The following RGS5 variants were observed in gnomAD, a reference collection of about 807,000 sequenced individuals.
RGS5 encodes regulator of G protein signaling 5, also known as regulator of G-protein signalling 5.
Under a neutral mutation model 18.9 loss-of-function variants are expected in RGS5, and 20 were observed. That is an observed-to-expected ratio of 1.06 (90% CI 0.74 to 1.54). The LOEUF (loss-of-function observed/expected upper bound fraction) is 1.54. RGS5 is among the 40% of genes most tolerant of loss of function. The pLI, the probability that RGS5 is intolerant of heterozygous loss-of-function variation, is 0.00. For missense variants in RGS5, 201 were observed against 211.8 expected, an observed-to-expected ratio of 0.95 and a Z score of 0.32; for synonymous variants, 57 against 76.2, an observed-to-expected ratio of 0.75 and a Z score of 1.31.
At chr1:163,226,493 C>T (rs993698345) in intron 2 of RGS5, among the ~76,000 whole-genome samples, 16 of 152,102 alleles carry the variant, frequency 1.1e-4, no homozygotes, top group African/African-American at 3.9e-4. Context: ...ATGCTAGAGT[C>T]TCTGGTCTCC....
intron 2 of RGS5, among the ~76,000 whole-genome samples, chr1:163,271,059 G>C (rs1463466351): frequency 6.6e-6 from 1 of 152,022 alleles, no homozygotes; most frequent in Non-Finnish European, 1.5e-5. Flanking sequence ...CCAGTTTTAG[G>C]ACATTTGTTA....
intron 2 of RGS5, among the ~76,000 whole-genome samples, chr1:163,164,549 T>C (rs1657961826): frequency 6.6e-6 from 1 of 152,198 alleles, no homozygotes; most frequent in Non-Finnish European, 1.5e-5. Context: ...CCGAAGGGTA[T>C]AGGTTGTCAT....
At chr1:163,150,689 A>T (rs1211345609) in intron 4 of RGS5, among the ~76,000 whole-genome samples, 1 of 152,010 alleles carries the variant, frequency 6.6e-6, no homozygotes, top group African/African-American at 2.4e-5. Context: ...TCTTTCTAGC[A>T]CCTTTTCATT....
intron 2 of RGS5, among the ~76,000 whole-genome samples, chr1:163,250,174 G>A (rs183371248): frequency 6.6e-6 from 1 of 152,274 alleles, no homozygotes; most frequent in Admixed American, 6.5e-5. Flanking sequence ...AGGCTATGTT[G>A]GTACAGAGCT....
At chr1:163,165,077 G>A (rs965642034) in intron 2 of RGS5, among the ~76,000 whole-genome samples, 2 of 152,082 alleles carry the variant, frequency 1.3e-5, no homozygotes, top group Non-Finnish European at 2.9e-5. Context: ...TGGGCATCAC[G>A]GTTGGGCATA....
chr1:163,264,579 A>G lies in RGS5; in HGVS notation c.-281+41654T>C, dbSNP rs146040678. ...GATCATTCATGATTGTATCATGCAC[A>G]TGCATGACTATCCAACAAACTTATC... On this transcript the variant is annotated intron_variant, in intron 2 of 5. Coordinates refer to the RGS5 transcript ENST00000618415. 5.4e-3 allele frequency among the ~76,000 whole-genome samples: 822 copies of G among 152,290 alleles called. 8 individuals carry two copies. The highest frequency in any genetic ancestry group is 0.019 in the African/African-American group (786 of 41,556).
intron 4 of RGS5, among the ~76,000 whole-genome samples, chr1:163,149,580 C>T (rs750799343): frequency 3.9e-5 from 6 of 152,078 alleles, no homozygotes; most frequent in Non-Finnish European, 8.8e-5. Context: ...GTTTAGTTAT[C>T]CAGAAACAAT....
At chr1:163,316,383 T>C (rs1245713834) in intron 1 of RGS5, among the ~76,000 whole-genome samples, 2 of 152,224 alleles carry the variant, frequency 1.3e-5, no homozygotes, top group South Asian at 4.1e-4. Flanking sequence ...GCCCTTAATA[T>C]AAAATGTGTG....
At chr1:163,232,556 G>A (rs550000248) in intron 2 of RGS5, among the ~76,000 whole-genome samples, 1 of 152,292 alleles carries the variant, frequency 6.6e-6, no homozygotes, top group Admixed American at 6.5e-5. Context: ...GGAGGAAAGG[G>A]AGTCAAGTAA....
chr1:163,224,182 A>G (rs1172099925), intron 2 of RGS5, among the ~76,000 whole-genome samples: 1 of 152,008 alleles, frequency 6.6e-6, no homozygotes, highest in East Asian at 1.9e-4. Context: ...ACTGTTAACC[A>G]TCCTCTTTCC....
chr1:163,161,143 G>T (rs764574097), intron 3 of RGS5, among the ~76,000 whole-genome samples: 1 of 152,144 alleles, frequency 6.6e-6, no homozygotes, highest in Non-Finnish European at 1.5e-5. Flanking sequence ...AAGAGAGAGA[G>T]ATATGAGTAA....
chr1:163,175,289 A>T (rs1435981617), intron 1 of RGS5, among the ~76,000 whole-genome samples: 1 of 152,118 alleles, frequency 6.6e-6, no homozygotes, highest in African/African-American at 2.4e-5. Flanking sequence ...AGAGACTGAC[A>T]GAGGGAAGAG....
intron 1 of RGS5, among the ~76,000 whole-genome samples, chr1:163,175,203 G>A (rs758059136): frequency 2.0e-5 from 3 of 152,106 alleles, no homozygotes; most frequent in Non-Finnish European, 2.9e-5. Flanking sequence ...ACATTTGCCG[G>A]ATTAGAGACC....
chr1:163,186,344 C>T (rs533249200), intron 1 of RGS5, among the ~76,000 whole-genome samples: 2 of 152,036 alleles, frequency 1.3e-5, no homozygotes, highest in Non-Finnish European at 2.9e-5. Flanking sequence ...GCTGGTATTA[C>T]AGGCATGAGC....
chr1:163,276,737 C>T (rs1489366300), intron 2 of RGS5, among the ~76,000 whole-genome samples: 1 of 152,208 alleles, frequency 6.6e-6, no homozygotes, highest in Non-Finnish European at 1.5e-5. Flanking sequence ...CTGAGGCCAG[C>T]AGCTATGCCA....
chr1:163,314,991 C>G (rs1571359734), intron 1 of RGS5, among the ~76,000 whole-genome samples: 2 of 152,140 alleles, frequency 1.3e-5, no homozygotes, highest in South Asian at 2.1e-4. Context: ...CCTGAACGAA[C>G]TAAGACACCC....
rs184645706 is a variant in RGS5 at position 163,311,142 on chromosome 1, T to G, written c.-377-4813A>C. 2.2e-4 allele frequency among the ~76,000 whole-genome samples: 33 copies of G among 152,344 alleles called. No individual in the cohort carries two copies. In the Middle Eastern group the frequency reaches 0.01, roughly 47 times the overall value. On this transcript the variant is annotated intron_variant, in intron 1 of 5. Coordinates refer to the RGS5 transcript ENST00000618415. The stretch of plus-strand genomic sequence containing the variant: ...ACACTTGTATGTTATAAAGATGGCT[T>G]CTTTCCTTAAGCCTCACAAACCAAC...
chr1:163,159,946 T>C (rs1207657296), intron 3 of RGS5, among the ~76,000 whole-genome samples: 1 of 152,170 alleles, frequency 6.6e-6, no homozygotes, highest in Non-Finnish European at 1.5e-5. Context: ...TATTTTCCCC[T>C]CTGAGAAGTA....
intron 2 of RGS5, chr1:163,300,659 G>A (rs1294165314): frequency 1.3e-5 from 2 of 152,220 alleles, no homozygotes; most frequent in East Asian, 3.9e-4. Flanking sequence ...GGGAGATTCT[G>A]CTTGGCGAAG....
Sources: gnomAD v4.1 joint callset for allele counts (sites outside exome capture counted in the v4.1 genomes callset) on GRCh38, gnomAD v4.1.1 for gene constraint, MANE v1.5 for transcripts, NCBI Gene and HGNC (gene_info 2026-07-23, HGNC 2026-07-21) for gene names.